Variants in CTSO observed in about 807,000 individuals in gnomAD.
CTSO encodes the protein cathepsin O.
A neutral mutation model predicts 42.4 loss-of-function variants in CTSO; 40 were observed. The observed-to-expected ratio is 0.94, with a 90% CI of 0.73 to 1.23. The LOEUF is 1.23. Among genes scored for constraint, CTSO ranks in the 50% most tolerant of loss-of-function variants. CTSO has a pLI of 0.00. For synonymous variants in CTSO, 156 were observed against 146.2 expected, an observed-to-expected ratio of 1.07 and a Z score of -0.48; for missense variants, 441 against 396.0, an observed-to-expected ratio of 1.11 and a Z score of -0.96.
intron 1 of CTSO, among the ~76,000 whole-genome samples, chr4:155,945,154 G>C (rs913737842): frequency 2.0e-5 from 3 of 152,036 alleles, no homozygotes; most frequent in Admixed American, 2.0e-4. Flanking sequence ...CTACTCAGGG[G>C]GCTGAGGCAG....
chr4:155,931,727 A>G (rs1379264964), intron 5 of CTSO, among the ~76,000 whole-genome samples: 1 of 151,864 alleles, frequency 6.6e-6, no homozygotes, highest in Non-Finnish European at 1.5e-5. Context: ...TGAGCTTACT[A>G]TTCATTTCAC....
intron 1 of CTSO, among the ~76,000 whole-genome samples, chr4:155,947,391 T>A (rs1424867515): frequency 1.3e-5 from 2 of 152,098 alleles, no homozygotes; most frequent in African/African-American, 4.8e-5. Context: ...TTAAACAGAG[T>A]ATTTGGATTA....
chr4:155,927,130 A>C (rs1351820118), intron 7 of CTSO, among the ~76,000 whole-genome samples: 3 of 152,204 alleles, frequency 2.0e-5, no homozygotes, highest in African/African-American at 7.2e-5. Context: ...AAACTGTCTC[A>C]TCAGGGTGAT....
chr4:155,950,915 T>C lies in CTSO; in HGVS notation c.135+2798A>G, dbSNP rs557775742. 6.3e-4 allele frequency among the ~76,000 whole-genome samples: 95 copies of C among 150,876 alleles called. 1 individual carries two copies. The highest frequency in any genetic ancestry group is 2.3e-3 in the African/African-American group (92 of 40,694). On this transcript the variant is annotated intron_variant, in intron 1 of 7. Transcript: ENST00000433477. ...GAAACCAATCCCTGGTGCCAAAAAG[T>C]TTGGGGACCACTGAGGTAGAAAATA...
At chr4:155,929,392 T>G (rs1441910528) in intron 6 of CTSO, 150 bp downstream of exon 6, 5 of 723,722 alleles carry the variant, frequency 6.9e-6, no homozygotes, top group Non-Finnish European at 8.6e-6. Context: ...TCTCGGCACA[T>G]TTACTCCTAT....
chr4:155,944,974 A>AC (rs1553960308), intron 1 of CTSO, among the ~76,000 whole-genome samples: 10 of 147,312 alleles, frequency 6.8e-5, no homozygotes, highest in African/African-American at 2.5e-4. Context: ...AAAAAAAAAA[A>AC]GCCTGGGAGC....
chr4:155,953,621 G>C (rs780130821), intron 1 of CTSO, 92 bp downstream of exon 1: 39 of 1,218,640 alleles, frequency 3.2e-5, no homozygotes, highest in Non-Finnish European at 3.3e-5. Context: ...CCACGAGCAG[G>C]GTCAGCTCTC....
intron 3 of CTSO, among the ~76,000 whole-genome samples, chr4:155,940,162 T>C (rs1220625071): frequency 1.3e-5 from 2 of 152,332 alleles, no homozygotes; most frequent in African/African-American, 2.4e-5. Context: ...TACTCCAGTA[T>C]TGGCTGCCAA....
chr4:155,936,154 C>T (rs1408870278), intron 5 of CTSO, among the ~76,000 whole-genome samples: 1 of 152,116 alleles, frequency 6.6e-6, no homozygotes, highest in Non-Finnish European at 1.5e-5. Flanking sequence ...ACCTTTATCC[C>T]CAAATGAGAT....
intron 1 of CTSO, among the ~76,000 whole-genome samples, chr4:155,952,372 ATATATT>A (rs774022887): frequency 5.9e-5 from 9 of 152,146 alleles, no homozygotes; most frequent in Admixed American, 5.9e-4. Context: ...AATGTTAAAA[ATATATT>A]TATAAGTCTA....
In CTSO at chr4:155,946,548, G is replaced by A. The variant is rs546975623; in HGVS notation, c.136-3284C>T. Among the ~76,000 whole-genome samples the A allele has an allele frequency of 1.5e-3, 221 of 152,232 alleles. 1 individual carries two copies. Among genetic ancestry groups the A allele is most frequent in the African/African-American group, 4.0e-3 (168 of 41,540 alleles). On this transcript the variant is annotated intron_variant, in intron 1 of 7. Coordinates refer to ENST00000433477, the MANE Select transcript of CTSO (RefSeq NM_001334.3). ...TGTTCTTTATGTCAGCGGCACTAGT[G>A]TCTGCAGGACTTCTGAAAATGTTGC...
chr4:155,943,339 A>T, intron 1 of CTSO, 75 bp from the exon 2 acceptor site: 1 of 835,528 alleles, frequency 1.2e-6, no homozygotes, highest in Non-Finnish European at 1.9e-6. Flanking sequence ...ACTAACTTGG[A>T]GAAATTTTTC....
Position 155,937,287 on chromosome 4 carries a change from A to G in CTSO, c.674+75T>C, listed in dbSNP as rs1743345970. The G allele has an allele frequency of 4.7e-6, 6 of 1,280,108 alleles. No individual in the cohort carries two copies. The Admixed American group carries it at 9.8e-5, about 21-fold the overall frequency. The allele number at this position is 1,280,108 out of a possible 1,614,324, so 79.3% of individuals were successfully genotyped here. A position where few individuals can be genotyped will look rare whatever the true frequency, so the allele number is the denominator to read the frequency against. On this transcript the variant is annotated intron_variant, in intron 5 of 7. Transcript: ENST00000433477. The stretch of plus-strand genomic sequence containing the variant: ...TTAAGAGTATGCAGTGATGCCTTCA[A>G]ACAAATTATTAACCAGTCAATAGAT...
chr4:155,937,433 A>G lies in CTSO; in HGVS notation c.603T>C (p.Asn201=). ...AACCAGAAAAGTAATGGCACAGACC[A>G]TTTTGTGCTTTAAAAGGATATTCTG... ...KDSEYPFKAQ[N]GLCHYFSGSH... Residue 201 remains asparagine (N), a synonymous_variant, in exon 5 of 8, where the codon AAT becomes AAC. Transcript: ENST00000433477. 6.2e-7 allele frequency: 1 copy of G among 1,612,634 alleles called. No homozygotes were observed. The highest frequency in any genetic ancestry group is 8.5e-7 in the Non-Finnish European group (1 of 1,178,748).
intron 5 of CTSO, among the ~76,000 whole-genome samples, chr4:155,934,935 G>A (rs1375794698): frequency 6.6e-6 from 1 of 152,144 alleles, no homozygotes; most frequent in Admixed American, 6.5e-5. Context: ...GGCATGATTG[G>A]TTTTGAAATG....
intron 5 of CTSO, among the ~76,000 whole-genome samples, chr4:155,936,083 C>T (rs370101128): frequency 5.9e-5 from 9 of 152,188 alleles, no homozygotes; most frequent in African/African-American, 1.9e-4. Flanking sequence ...ACATCCTTCC[C>T]TTATACTCTC....
At chr4:155,934,084 G>A (rs1026986131) in intron 5 of CTSO, among the ~76,000 whole-genome samples, 3 of 152,170 alleles carry the variant, frequency 2.0e-5, no homozygotes, top group African/African-American at 4.8e-5. Flanking sequence ...AGGCTCGGAG[G>A]CCCAGAAGGA....
intron 5 of CTSO, among the ~76,000 whole-genome samples, chr4:155,930,831 A>G (rs1743221933): frequency 6.6e-6 from 1 of 152,210 alleles, no homozygotes; most frequent in African/African-American, 2.4e-5. Flanking sequence ...TAACATGAAT[A>G]TCTGCTTTTT....
At chr4:155,952,451 G>C (rs983494434) in intron 1 of CTSO, among the ~76,000 whole-genome samples, 26 of 152,206 alleles carry the variant, frequency 1.7e-4, no homozygotes, top group African/African-American at 6.3e-4. Context: ...TATTTATTTA[G>C]CCAATGAATA....
Sources: allele counts gnomAD v4.1 joint callset (sites outside exome capture counted in the v4.1 genomes callset), GRCh38; gene constraint gnomAD v4.1.1; transcripts MANE v1.5; gene names NCBI Gene and HGNC (gene_info 2026-07-23, HGNC 2026-07-21).